ZC3HAV1: variants seen among roughly 807,000 people sequenced by gnomAD.
ZC3HAV1 encodes zinc finger CCCH-type containing, antiviral 1.
ZC3HAV1 carries 41 observed loss-of-function variants against 86.6 expected under a neutral mutation model. The observed-to-expected ratio is 0.47, with a 90% CI of 0.37 to 0.61. The LOEUF (loss-of-function observed/expected upper bound fraction) is 0.61. Ranked by LOEUF, ZC3HAV1 falls within the 20% of genes least tolerant of loss-of-function variation. ZC3HAV1 has a pLI of 0.00. For missense variants in ZC3HAV1, 964 were observed against 1,141.1 expected (o/e 0.84, Z 2.24); for synonymous variants, 421 against 432.1 (o/e 0.97, Z 0.32).
Position 139,076,332 on chromosome 7 carries a change from G to T in ZC3HAV1, c.1651C>A (p.His551Asn). Residue 551 changes from histidine to asparagine, a missense_variant, in exon 6 of 13, where the codon CAC becomes AAC. By Grantham distance (68) the His-to-Asn change is moderately conservative (BLOSUM62 1). Transcript: ENST00000242351. ...TAGCCTTTCTCGATCGTCTCCATGT[G>T]CTCAAAGTCCGTCCAGGTTTTACCA... ...LIGKTWTDFE[H>N]METIEKGYCN... 2.5e-6 allele frequency: 4 copies of T among 1,614,146 alleles called. No homozygotes were observed. In the South Asian group the frequency reaches 4.4e-5, roughly 18 times the overall value.
At chr7:139,090,192 A>T (rs1248111018) in intron 1 of ZC3HAV1, among the ~76,000 whole-genome samples, 1 of 152,232 alleles carries the variant, frequency 6.6e-6, no homozygotes, top group African/African-American at 2.4e-5. Context: ...AAGTGCTGGG[A>T]TTACAGGTAT....
At chr7:139,097,592 G>A (rs966372700) in intron 1 of ZC3HAV1, among the ~76,000 whole-genome samples, 2 of 150,258 alleles carry the variant, frequency 1.3e-5, no homozygotes, top group East Asian at 2.0e-4. Context: ...CCGCCACCAC[G>A]CTCGGCTAAT....
intron 9 of ZC3HAV1, chr7:139,060,433 T>C: frequency 1.0e-6 from 1 of 989,054 alleles, no homozygotes; most frequent in Non-Finnish European, 1.2e-6. Context: ...CTTCAATCAA[T>C]ATTATCTCTC....
At chr7:139,062,621 C>T (rs1816477057) in intron 8 of ZC3HAV1, among the ~76,000 whole-genome samples, 1 of 152,188 alleles carries the variant, frequency 6.6e-6, no homozygotes, top group African/African-American at 2.4e-5. Context: ...TGAATACAGG[C>T]TCGAAGAGCA....
intron 1 of ZC3HAV1, among the ~76,000 whole-genome samples, chr7:139,099,096 A>G (rs184847949): frequency 6.8e-4 from 104 of 152,348 alleles, no homozygotes; most frequent in Non-Finnish European, 1.1e-3. Context: ...GGTTCACAAT[A>G]TTACAATGTC....
intron 4 of ZC3HAV1, 32 bp from the exon 5 acceptor site, chr7:139,078,685 A>G: frequency 6.7e-7 from 1 of 1,486,376 alleles, no homozygotes; most frequent in South Asian, 1.3e-5. Flanking sequence ...ATGTATGCTG[A>G]TCTTAATGTT....
At chr7:139,097,412 A>ATTTTTTT (rs1387959860) in intron 1 of ZC3HAV1, among the ~76,000 whole-genome samples, 5 of 74,336 alleles carry the variant, frequency 6.7e-5, no homozygotes, top group East Asian at 4.7e-4. Context: ...ATATATATAT[A>ATTTTTTT]TATATATATA....
In ZC3HAV1 at chr7:139,109,618, G is replaced by A; in HGVS notation, c.-287C>T. 2.8e-6 allele frequency: 1 copy of A among 360,046 alleles called. No homozygotes were observed. The highest frequency in any genetic ancestry group is 2.1e-5 in the African/African-American group (1 of 47,152). 22.3% of individuals were successfully genotyped at this position (360,046 alleles called of 1,614,324 possible). ...AGAGAACGCGCGGGCAAATCTGCTGGTGACCGCCTGGGGTGGCCCCCTCTC... is the reference window on the plus strand; with the variant it reads ...AGAGAACGCGCGGGCAAATCTGCTGATGACCGCCTGGGGTGGCCCCCTCTC... On this transcript the variant is annotated 5_prime_UTR_variant, in exon 1 of 13. Coordinates refer to ENST00000242351, the MANE Select transcript of ZC3HAV1 (RefSeq NM_020119.4).
intron 8 of ZC3HAV1, 36 bp from the exon 9 acceptor site, chr7:139,061,174 C>A (rs1383177021): frequency 1.3e-6 from 2 of 1,593,158 alleles, no homozygotes; most frequent in Admixed American, 1.7e-5. Flanking sequence ...CAGTGAGAAT[C>A]AAGATCAGCC....
intron 10 of ZC3HAV1, among the ~76,000 whole-genome samples, chr7:139,054,783 GT>G (rs1301494103): frequency 6.6e-6 from 1 of 152,008 alleles, no homozygotes; most frequent in Non-Finnish European, 1.5e-5. Context: ...GTTGTTGTTT[GT>G]TTTTTGGAGA....
chr7:139,101,254 C>G (rs1231949162), intron 1 of ZC3HAV1, among the ~76,000 whole-genome samples: 1 of 151,506 alleles, frequency 6.6e-6, no homozygotes, highest in Non-Finnish European at 1.5e-5. Flanking sequence ...CAGCCTCTGC[C>G]CTGCCGCCAC....
intron 7 of ZC3HAV1, among the ~76,000 whole-genome samples, chr7:139,070,390 C>T (rs1199780415): frequency 7.9e-5 from 12 of 152,218 alleles, no homozygotes; most frequent in South Asian, 4.1e-4. Flanking sequence ...GGAGGCCGGG[C>T]GCAGTGGCTC....
chr7:139,060,466 C>G, intron 9 of ZC3HAV1: 2 of 991,920 alleles, frequency 2.0e-6, no homozygotes, highest in Non-Finnish European at 2.4e-6. Context: ...GCTCTAACAG[C>G]TAGCTCATCC....
At chr7:139,050,972 G>A (rs549150087) in intron 12 of ZC3HAV1, among the ~76,000 whole-genome samples, 4 of 152,240 alleles carry the variant, frequency 2.6e-5, no homozygotes, top group African/African-American at 9.6e-5. Context: ...CCGCCATGTG[G>A]TGACTCTACA....
chr7:139,080,210 C>T lies in ZC3HAV1; in HGVS notation c.731G>A (p.Arg244Lys). The T allele has an allele frequency of 1.9e-6, 3 of 1,614,124 alleles. No individual in the cohort carries two copies. Among genetic ancestry groups the T allele is most frequent in the South Asian group, 2.2e-5 (2 of 91,084 alleles). The change falls in exon 4 of 13, where the codon AGG (arginine) becomes AAG (lysine). Residue 244 changes from arginine to lysine, a missense_variant. Transcript: ENST00000242351. ...PSSHRRNMAYRARSKSRDRFF... is the reference protein window; with the variant it reads ...PSSHRRNMAYKARSKSRDRFF... ...CCGATCTCTACTCTTGCTTCTAGCC[C>T]TATATGCCATGTTTCTACGATGTGA...
intron 1 of ZC3HAV1, among the ~76,000 whole-genome samples, chr7:139,090,045 G>C (rs575750852): frequency 1.2e-3 from 179 of 151,782 alleles, no homozygotes; most frequent in African/African-American, 4.2e-3. Context: ...TCAGCCTCCC[G>C]AGTAGCTGGA....
At chr7:139,052,342 A>G (rs1450101033) in intron 12 of ZC3HAV1, among the ~76,000 whole-genome samples, 1 of 136,618 alleles carries the variant, frequency 7.3e-6, no homozygotes, top group Non-Finnish European at 1.5e-5. Flanking sequence ...GCAGTGGCTC[A>G]CACCTGTAAT....
At position 139,080,220 on chromosome 7, in the gene ZC3HAV1, T is replaced by A; in HGVS notation, c.721A>T (p.Met241Leu). The A allele has an allele frequency of 6.2e-7, 1 of 1,614,144 alleles. No individual in the cohort carries two copies. The highest frequency in any genetic ancestry group is 8.5e-7 in the Non-Finnish European group (1 of 1,180,034). The change falls in exon 4 of 13, where the codon ATG (methionine) becomes TTG (leucine). Residue 241 changes from methionine (M) to leucine (L), a missense_variant. Coordinates refer to ENST00000242351, the MANE Select transcript of ZC3HAV1 (RefSeq NM_020119.4). Reference sequence around the variant, plus strand: ...CTCTTGCTTCTAGCCCTATATGCCATGTTTCTACGATGTGAAGAAGGAGCT... The same window carrying A: ...CTCTTGCTTCTAGCCCTATATGCCAAGTTTCTACGATGTGAAGAAGGAGCT... Reference protein sequence around the residue: ...PRAPSSHRRNMAYRARSKSRD... With the variant: ...PRAPSSHRRNLAYRARSKSRD...
chr7:139,097,469 C>T (rs1817639544), intron 1 of ZC3HAV1, among the ~76,000 whole-genome samples: 1 of 119,748 alleles, frequency 8.4e-6, no homozygotes, highest in Non-Finnish European at 1.6e-5. Flanking sequence ...GAGTCTCGCT[C>T]TGTCGCCCAG....
Sources: allele counts gnomAD v4.1 joint callset (sites outside exome capture counted in the v4.1 genomes callset), GRCh38; gene constraint gnomAD v4.1.1; transcripts MANE v1.5; gene names NCBI Gene and HGNC (gene_info 2026-07-23, HGNC 2026-07-21).